Variants in MRPL1 observed in about 807,000 individuals in gnomAD.
MRPL1 encodes the protein mitochondrial ribosomal protein L1.
A neutral mutation model predicts 38.0 loss-of-function variants in MRPL1; 28 were observed. That is an observed-to-expected ratio of 0.74 (90% CI 0.55 to 1.01). MRPL1 has a LOEUF of 1.01. Among genes scored for constraint, MRPL1 ranks in the 50% least tolerant of loss-of-function variants. MRPL1 has a pLI of 0.00. For missense variants in MRPL1, 358 were observed against 389.8 expected (o/e 0.92, Z 0.69); for synonymous variants, 123 against 126.7 (o/e 0.97, Z 0.20).
At chr4:77,911,618 T>C (rs566239285) in intron 7 of MRPL1, among the ~76,000 whole-genome samples, 2 of 152,148 alleles carry the variant, frequency 1.3e-5, no homozygotes, top group East Asian at 1.9e-4. Context: ...TTCCCATTTC[T>C]CCTGTATATA....
chr4:77,871,988 T>C (rs565687374), intron 2 of MRPL1, 133 bp downstream of exon 2: 2 of 641,292 alleles, frequency 3.1e-6, no homozygotes, highest in East Asian at 3.0e-5. Context: ...ATCGACCTTA[T>C]AGTCCTGAAG....
At chr4:77,947,772 C>T (rs577988669) in intron 7 of MRPL1, among the ~76,000 whole-genome samples, 1 of 152,086 alleles carries the variant, frequency 6.6e-6, no homozygotes, top group Non-Finnish European at 1.5e-5. Flanking sequence ...CACAGTAATG[C>T]CTATGAGATA....
At chr4:77,938,886 A>G (rs1737054152) in intron 7 of MRPL1, among the ~76,000 whole-genome samples, 1 of 152,192 alleles carries the variant, frequency 6.6e-6, no homozygotes, top group Non-Finnish European at 1.5e-5. Flanking sequence ...CCTAGATACA[A>G]TGAGCTACCT....
chr4:77,880,641 A>G (rs1578040427), intron 2 of MRPL1, among the ~76,000 whole-genome samples: 1 of 152,022 alleles, frequency 6.6e-6, no homozygotes, highest in East Asian at 1.9e-4. Context: ...TAAAACTTTT[A>G]TGGTTAGAAG....
intron 7 of MRPL1, among the ~76,000 whole-genome samples, chr4:77,926,035 A>G (rs557150622): frequency 4.1e-4 from 62 of 152,352 alleles, no homozygotes; most frequent in African/African-American, 1.4e-3. Flanking sequence ...TAAATCAGCA[A>G]TGGCAAAAGC....
At chr4:77,862,995 T>G in intron 1 of MRPL1, 116 bp downstream of exon 1, 1 of 1,331,652 alleles carries the variant, frequency 7.5e-7, no homozygotes, top group Non-Finnish European at 1.1e-6. Context: ...CTGTTTCTGG[T>G]CTCTAGGTTT....
intron 6 of MRPL1, among the ~76,000 whole-genome samples, chr4:77,908,164 C>G (rs916636613): frequency 2.0e-5 from 3 of 151,392 alleles, no homozygotes; most frequent in African/African-American, 7.3e-5. Context: ...AATGTTTCTG[C>G]TTTTTAGTTT....
At chr4:77,913,735 T>C (rs1428853135) in intron 7 of MRPL1, among the ~76,000 whole-genome samples, 1 of 152,194 alleles carries the variant, frequency 6.6e-6, no homozygotes, top group Non-Finnish European at 1.5e-5. Flanking sequence ...CTGGAAAATT[T>C]CCAAATGTTC....
In MRPL1 at chr4:77,902,432, T is replaced by A. The variant is rs1386741469; in HGVS notation, c.671-6834T>A. Among the ~76,000 whole-genome samples, 3 of 141,638 alleles carry A rather than the reference T, an allele frequency of 2.1e-5. No homozygotes were observed. In the East Asian group the frequency reaches 6.1e-4, roughly 29 times the overall value. The allele number at this position is 141,638 out of a possible 152,430, so 92.9% of individuals were successfully genotyped here. On this transcript the variant is annotated intron_variant, in intron 6 of 8. Coordinates refer to ENST00000315567, the MANE Select transcript of MRPL1 (RefSeq NM_020236.4). ...CGAGTTAGAAAAGAATGGGTTAAAA[T>A]CATTGTTCTAAGATTTTTATCTTAT... is the stretch of plus-strand genomic sequence containing the variant.
chr4:77,888,857 C>G (rs911359985), intron 5 of MRPL1, among the ~76,000 whole-genome samples: 1 of 152,096 alleles, frequency 6.6e-6, no homozygotes, highest in Non-Finnish European at 1.5e-5. Flanking sequence ...TGCTATCCCT[C>G]CCCCGTCCCC....
chr4:77,914,748 T>C lies in MRPL1; in HGVS notation c.777+5376T>C, dbSNP rs78292881. Among the ~76,000 whole-genome samples the C allele has an allele frequency of 1.1e-3, 170 of 152,110 alleles. 1 individual carries two copies. Among genetic ancestry groups the C allele is most frequent in the African/African-American group, 4.0e-3 (168 of 41,504 alleles). Reference sequence around the variant, plus strand: ...GTGTGTGTCTGTAGCCAATATGTTATGACAAATTGATATAGAATGAGTGCA... The same window carrying C: ...GTGTGTGTCTGTAGCCAATATGTTACGACAAATTGATATAGAATGAGTGCA... On this transcript the variant is annotated intron_variant, in intron 7 of 8. Coordinates refer to ENST00000315567, the MANE Select transcript of MRPL1 (RefSeq NM_020236.4).
rs567012695 is a variant in MRPL1 at position 77,868,069 on chromosome 4, T to G, written c.32-3675T>G. 5.7e-4 allele frequency among the ~76,000 whole-genome samples: 86 copies of G among 150,784 alleles called. 1 individual carries two copies. In the South Asian group the frequency reaches 0.014, roughly 25 times the overall value. ...CCGCGCCTGGCCAGTTATTTCTTTT[T>G]TTTTTCCTTTTGAGATGGAGTCTCA... On this transcript the variant is annotated intron_variant, in intron 1 of 8. Coordinates refer to ENST00000315567, the MANE Select transcript of MRPL1 (RefSeq NM_020236.4).
At chr4:77,874,126 G>T (rs1248211364) in intron 2 of MRPL1, among the ~76,000 whole-genome samples, 3 of 151,488 alleles carry the variant, frequency 2.0e-5, no homozygotes, top group African/African-American at 7.3e-5. Context: ...AGCCTCCTAA[G>T]TAGGCGCCTG....
chr4:77,943,000 C>T (rs2110265972), intron 7 of MRPL1, among the ~76,000 whole-genome samples: 1 of 152,096 alleles, frequency 6.6e-6, no homozygotes, highest in African/African-American at 2.4e-5. Flanking sequence ...TAAGGAGGTT[C>T]ATTTTGGTGT....
At position 77,885,246 on chromosome 4, in the gene MRPL1, A is replaced by AT. The variant is rs1735647407; in HGVS notation, c.403-9dup. 4 of 1,596,780 alleles carry AT rather than the reference A, an allele frequency of 2.5e-6. No individual in the cohort carries two copies. Among genetic ancestry groups the AT allele is most frequent in the Non-Finnish European group, 3.4e-6 (4 of 1,164,170 alleles). On this transcript the variant is annotated splice_polypyrimidine_tract_variant and intron_variant, in intron 3 of 8. Transcript: ENST00000315567. Reference sequence around the variant, plus strand: ...CTTTACGTAATTATTTTTCCTTGTCATGTGTTTAGAAAAACGTGGAGCCAT... The same window carrying AT: ...CTTTACGTAATTATTTTTCCTTGTCATTGTGTTTAGAAAAACGTGGAGCCAT...
chr4:77,875,111 A>G (rs1448131591), intron 2 of MRPL1, among the ~76,000 whole-genome samples: 1 of 151,616 alleles, frequency 6.6e-6, no homozygotes, highest in African/African-American at 2.4e-5. Context: ...TTTACTGTGA[A>G]TTTTCTGTTC....
In MRPL1 at chr4:77,926,543, A is replaced by G. The variant is rs1420493496; in HGVS notation, c.777+17171A>G. Among the ~76,000 whole-genome samples, 5 of 151,170 alleles carry G rather than the reference A, an allele frequency of 3.3e-5. No homozygotes were observed. In the East Asian group the frequency reaches 9.7e-4, roughly 29 times the overall value. On this transcript the variant is annotated intron_variant, in intron 7 of 8. Transcript: ENST00000315567. ...TTTCTGGATAAAGAGATACTTGGTC[A>G]TTTCTGGTACTTTGTGAGAACTATT...
chr4:77,864,164 G>A lies in MRPL1; in HGVS notation c.31+1285G>A, dbSNP rs80166143. On this transcript the variant is annotated intron_variant, in intron 1 of 8. Transcript: ENST00000315567. ...GAAAGGAGGTTGAAGGCATCTTCAT[G>A]TATGACAGAAATCGTTATGTTACAC... Among the ~76,000 whole-genome samples the A allele has an allele frequency of 5.3e-3, 807 of 152,272 alleles. 7 individuals are homozygous for A. The highest frequency in any genetic ancestry group is 0.018 in the African/African-American group (759 of 41,542).
At chr4:77,871,326 A>G (rs1467118274) in intron 1 of MRPL1, among the ~76,000 whole-genome samples, 4 of 146,248 alleles carry the variant, frequency 2.7e-5, no homozygotes, top group East Asian at 2.0e-4. Flanking sequence ...TTTTTTTGAG[A>G]TGGAGTATCA....
Sources: allele counts gnomAD v4.1 joint callset (sites outside exome capture counted in the v4.1 genomes callset), GRCh38; gene constraint gnomAD v4.1.1; transcripts MANE v1.5; gene names NCBI Gene and HGNC (gene_info 2026-07-23, HGNC 2026-07-21).